IQGAP1: variants seen among roughly 807,000 people sequenced by gnomAD.
The protein encoded by IQGAP1 is ras GTPase-activating-like protein IQGAP1.
IQGAP1 carries 66 observed loss-of-function variants against 215.6 expected under a neutral mutation model. The ratio of observed to expected loss-of-function variants is 0.31; its 90% CI spans 0.25 to 0.38. The LOEUF (loss-of-function observed/expected upper bound fraction) is 0.38, where lower values mean the gene tolerates loss of function less well. Among genes scored for constraint, IQGAP1 ranks in the 10% least tolerant of loss-of-function variants. IQGAP1 has a pLI of 1.00. For missense variants in IQGAP1, 1,712 were observed against 1,997.1 expected, an observed-to-expected ratio of 0.86 and a Z score of 2.72; for synonymous variants, 772 against 728.7, an observed-to-expected ratio of 1.06 and a Z score of -0.96.
At position 90,494,511 on chromosome 15, in the gene IQGAP1, G is replaced by T; in HGVS notation, c.4629-202G>T. ...TCAAATATAATTTAAACTAAAAATA[G>T]AAGCAATTTAGTAATATTTCCCCTG... On this transcript the variant is annotated intron_variant, in intron 35 of 37. Transcript: ENST00000268182. 3 of 350,000 alleles carry T rather than the reference G, an allele frequency of 8.6e-6. No homozygotes were observed. In the South Asian group the frequency reaches 1.4e-4, roughly 16 times the overall value. The allele number at this position is 350,000 out of a possible 1,614,324, so 21.7% of individuals were successfully genotyped here.
chr15:90,455,595 AT>A (rs1188350080), intron 14 of IQGAP1, among the ~76,000 whole-genome samples: 14 of 152,198 alleles, frequency 9.2e-5, no homozygotes, highest in African/African-American at 2.9e-4. Context: ...AACGTTCCTA[AT>A]TTTAATTTGT....
At position 90,501,499 on chromosome 15, in the gene IQGAP1, C is replaced by T. The variant is rs1442383209; in HGVS notation, c.*1391C>T. 1 of 151,948 alleles carries T rather than the reference C, an allele frequency of 6.6e-6. No homozygotes were observed. Among genetic ancestry groups the T allele is most frequent in the African/African-American group, 2.4e-5 (1 of 41,348 alleles). 9.4% of individuals were successfully genotyped at this position (151,948 alleles called of 1,614,324 possible). ...GTATTCTTTTATCATAAATTTTTAG[C>T]ATTTAAAAATTCACTGATGTACATT... On this transcript the variant is annotated 3_prime_UTR_variant, in exon 38 of 38. Coordinates refer to ENST00000268182, the MANE Select transcript of IQGAP1 (RefSeq NM_003870.4).
At chr15:90,481,079 T>C (rs1966051456) in intron 26 of IQGAP1, among the ~76,000 whole-genome samples, 1 of 152,114 alleles carries the variant, frequency 6.6e-6, no homozygotes. Flanking sequence ...GAAACCATTA[T>C]CATGAAGTCG....
In IQGAP1 at chr15:90,453,223, A is replaced by T. The variant is rs1965630917; in HGVS notation, c.1418A>T (p.Asn473Ile). The T allele has an allele frequency of 2.5e-6, 4 of 1,613,938 alleles. No homozygotes were observed. Among genetic ancestry groups the T allele is most frequent in the East Asian group, 2.2e-5 (1 of 44,898 alleles). Residue 473 changes from asparagine (N) to isoleucine (I), a missense_variant, in exon 13 of 38, where the codon AAT (asparagine) becomes ATT (isoleucine). Around this residue, in one of 2 missense-constraint regions of IQGAP1, gnomAD observed 1,021 missense variants for 1,074.2 expected, o/e 0.95. Transcript: ENST00000268182. Reference protein sequence around the residue: ...INRALESGDVNTVWKQLSSSV... With the variant: ...INRALESGDVITVWKQLSSSV... The stretch of plus-strand genomic sequence containing the variant: ...AGGGCATTGGAATCAGGAGATGTGA[A>T]TACAGTGTGGAAGCAATTGAGCAGT...
chr15:90,436,941 G>A (rs1206323949), intron 5 of IQGAP1, among the ~76,000 whole-genome samples: 3 of 152,228 alleles, frequency 2.0e-5, no homozygotes, highest in Non-Finnish European at 4.4e-5. Context: ...TAAAAGCTAA[G>A]TCAGTGTTCC....
At chr15:90,417,126 T>G (rs1382510978) in intron 2 of IQGAP1, among the ~76,000 whole-genome samples, 6 of 152,194 alleles carry the variant, frequency 3.9e-5, no homozygotes, top group Non-Finnish European at 8.8e-5. Context: ...CAGATAAGTA[T>G]ATTGCAAAAA....
chr15:90,453,508 A>G (rs559610920), intron 13 of IQGAP1, among the ~76,000 whole-genome samples: 1 of 152,342 alleles, frequency 6.6e-6, no homozygotes, highest in Admixed American at 6.5e-5. Context: ...TACATAGTCA[A>G]AATAACACTA....
At chr15:90,396,855 A>ATTT (rs58594310) in intron 2 of IQGAP1, among the ~76,000 whole-genome samples, 3 of 146,844 alleles carry the variant, frequency 2.0e-5, no homozygotes, top group Non-Finnish European at 4.5e-5. Context: ...AGCAAAAAAA[A>ATTT]TTTTTTTTTT....
rs757637270 is a variant in IQGAP1 at position 90,487,011 on chromosome 15, T to C, written c.4082T>C (p.Val1361Ala). ...AAGGAGGCACTGGCTAAGACGGAAG[T>C]GTCTCTCACCCTGACCAACAAGTTC... ...PNKEALAKTE[V>A]SLTLTNKFDV... The change falls in exon 32 of 38, where the codon GTG (valine) becomes GCG (alanine). Residue 1361 changes from valine (V) to alanine (A), a missense_variant. Physicochemically the swap from Val to Ala is moderately conservative, Grantham distance 64. Around this residue, in one of 2 missense-constraint regions of IQGAP1, gnomAD observed 691 missense variants for 923.0 expected, o/e 0.75. Coordinates refer to ENST00000268182, the MANE Select transcript of IQGAP1 (RefSeq NM_003870.4). The C allele has an allele frequency of 1.2e-6, 2 of 1,614,068 alleles. No individual in the cohort carries two copies. The highest frequency in any genetic ancestry group is 2.2e-5 in the East Asian group (1 of 44,882).
At chr15:90,416,466 T>C (rs1461052034) in intron 2 of IQGAP1, among the ~76,000 whole-genome samples, 3 of 152,322 alleles carry the variant, frequency 2.0e-5, no homozygotes, top group Admixed American at 6.5e-5. Flanking sequence ...TCTAGATCCT[T>C]GAGGAACTGC....
At chr15:90,415,975 CTT>C (rs60569648) in intron 2 of IQGAP1, among the ~76,000 whole-genome samples, 2 of 151,454 alleles carry the variant, frequency 1.3e-5, no homozygotes, top group South Asian at 2.1e-4. Flanking sequence ...TGTTTTCAGC[CTT>C]TTTTTTTGTC....
At position 90,474,924 on chromosome 15, in the gene IQGAP1, C is replaced by T. The variant is rs8035825; in HGVS notation, c.2784+231C>T. 1,011 of 521,192 alleles carry T rather than the reference C, an allele frequency of 1.9e-3. 5 individuals carry two copies. Among genetic ancestry groups the T allele is most frequent in the African/African-American group, 0.018 (922 of 52,392 alleles). 32.3% of individuals were successfully genotyped at this position (521,192 alleles called of 1,614,324 possible). Reference sequence around the variant, plus strand: ...TCCCAGGTTCAAGCAATTCTCCTCCCTCAACCTCCTAAGTATCTGGGATTA... The same window carrying T: ...TCCCAGGTTCAAGCAATTCTCCTCCTTCAACCTCCTAAGTATCTGGGATTA... On this transcript the variant is annotated intron_variant, in intron 23 of 37. Coordinates refer to ENST00000268182, the MANE Select transcript of IQGAP1 (RefSeq NM_003870.4).
In IQGAP1 at chr15:90,502,239, A is replaced by T; in HGVS notation, c.*2131A>T. 1 of 152,712 alleles carries T rather than the reference A, an allele frequency of 6.5e-6. No individual in the cohort carries two copies. The highest frequency in any genetic ancestry group is 1.9e-4 in the East Asian group (1 of 5,194). 9.5% of individuals were successfully genotyped at this position (152,712 alleles called of 1,614,324 possible). ...GTATGAAATAAAAGGTCATTTGTTC[A>T]TGTTTGTGTTTTTCTCAGTTTCATT... On this transcript the variant is annotated 3_prime_UTR_variant, in exon 38 of 38. Transcript: ENST00000268182.
Position 90,388,273 on chromosome 15 carries a change from C to T in IQGAP1, c.-69C>T, listed in dbSNP as rs1490939843. 2 of 1,551,182 alleles carry T rather than the reference C, an allele frequency of 1.3e-6. No homozygotes were observed. Among genetic ancestry groups the T allele is most frequent in the African/African-American group, 1.4e-5 (1 of 71,222 alleles). ...GGCAAGCCCGCGCACTTGGCAGGAG[C>T]TGTAGCTACCGCCGTCCGCGCCTCC... On this transcript the variant is annotated 5_prime_UTR_variant, in exon 1 of 38. Transcript: ENST00000268182.
intron 28 of IQGAP1, chr15:90,483,079 T>C: frequency 2.9e-6 from 1 of 340,318 alleles, no homozygotes; most frequent in South Asian, 3.6e-5. Context: ...AGACTTTAAG[T>C]GTGTCATTTT....
At chr15:90,469,809 G>A (rs967242824) in intron 18 of IQGAP1, among the ~76,000 whole-genome samples, 25 of 151,994 alleles carry the variant, frequency 1.6e-4, no homozygotes, top group African/African-American at 5.8e-4. Context: ...ATTATAAAAA[G>A]GAAGTAGGAG....
At chr15:90,404,837 T>C (rs535210585) in intron 2 of IQGAP1, among the ~76,000 whole-genome samples, 11 of 152,322 alleles carry the variant, frequency 7.2e-5, no homozygotes, top group African/African-American at 2.4e-4. Context: ...TGCCTCGACC[T>C]CCCAAAGTGC....
At chr15:90,403,378 A>T (rs1309326738) in intron 2 of IQGAP1, among the ~76,000 whole-genome samples, 2 of 152,228 alleles carry the variant, frequency 1.3e-5, no homozygotes, top group Non-Finnish European at 2.9e-5. Flanking sequence ...GAGAATCCCC[A>T]TAGGAATGTT....
intron 3 of IQGAP1, among the ~76,000 whole-genome samples, chr15:90,428,495 A>G (rs1965258209): frequency 6.6e-6 from 1 of 151,620 alleles, no homozygotes; most frequent in Non-Finnish European, 1.5e-5. Flanking sequence ...TAAAAAAAAA[A>G]TGGCTGGGAG....
Sources: allele counts gnomAD v4.1 joint callset (sites outside exome capture counted in the v4.1 genomes callset), GRCh38; gene constraint gnomAD v4.1.1; regional missense constraint gnomAD v4.1.1; transcripts MANE v1.5; gene names NCBI Gene and HGNC (gene_info 2026-07-23, HGNC 2026-07-21).